The following CDC73 variants were observed in gnomAD, a reference collection of about 807,000 sequenced individuals.
CDC73 encodes the protein parafibromin.
In CDC73, 21 loss-of-function variants were observed where a neutral mutation model predicts 83.7. The ratio of observed to expected loss-of-function variants is 0.25; its 90% confidence interval spans 0.18 to 0.36. The LOEUF is 0.36. CDC73 is among the 10% of genes least tolerant of loss of function. The pLI is 1.00. For missense variants in CDC73, 342 were observed against 653.3 expected (o/e 0.52, Z 5.19); for synonymous variants, 224 against 212.9 (o/e 1.05, Z -0.45).
chr1:193,243,752 C>T (rs968375612), intron 15 of CDC73, among the ~76,000 whole-genome samples: 2 of 151,924 alleles, frequency 1.3e-5, no homozygotes, highest in Non-Finnish European at 2.9e-5. Context: ...CATGTAGCCC[C>T]TTTAATGAAT....
At chr1:193,137,962 A>G (rs1462512026) in intron 5 of CDC73, 123 bp from the exon 6 acceptor site, 25 of 754,412 alleles carry the variant, frequency 3.3e-5, no homozygotes, top group Non-Finnish European at 5.8e-5. Flanking sequence ...AAGTTGGCCT[A>G]AAGACACTGA....
At chr1:193,137,740 G>A (rs903505766) in intron 5 of CDC73, among the ~76,000 whole-genome samples, 1 of 152,266 alleles carries the variant, frequency 6.6e-6, no homozygotes, top group East Asian at 1.9e-4. Flanking sequence ...TCTGGTGAAG[G>A]CTTGTCATAA....
At position 193,252,996 on chromosome 1, in the gene CDC73, T is replaced by C. The variant is rs1442905011; in HGVS notation, c.*2284T>C. ...GTATAAGTAGATATTTTAATGGAAA[T>C]GAAGTATAAATTAATAACTTGACTT... On this transcript the variant is annotated 3_prime_UTR_variant, in exon 17 of 17. Coordinates refer to ENST00000367435, the MANE Select transcript of CDC73 (RefSeq NM_024529.5). The C allele has an allele frequency of 4.3e-6, 1 of 231,826 alleles. No individual in the cohort carries two copies. The highest frequency in any genetic ancestry group is 8.5e-6 in the Non-Finnish European group (1 of 117,236). 14.4% of individuals were successfully genotyped at this position (231,826 alleles called of 1,614,324 possible). A position where few individuals can be genotyped will look rare whatever the true frequency, so the allele number is the denominator to read the frequency against.
chr1:193,230,069 TAC>T (rs1677634372), intron 13 of CDC73, among the ~76,000 whole-genome samples: 1 of 151,978 alleles, frequency 6.6e-6, no homozygotes, highest in Admixed American at 6.6e-5. Context: ...TATTCAAAAA[TAC>T]ACTAAAATGA....
chr1:193,173,709 C>T (rs1676557227), intron 10 of CDC73, among the ~76,000 whole-genome samples: 1 of 152,102 alleles, frequency 6.6e-6, no homozygotes, highest in African/African-American at 2.4e-5. Flanking sequence ...TGTGAATCCT[C>T]TTTCTGAATA....
At chr1:193,122,432 G>A (rs2103111916) in intron 1 of CDC73, 101 bp downstream of exon 1, 3 of 1,450,644 alleles carry the variant, frequency 2.1e-6, no homozygotes, top group Admixed American at 1.7e-5. Context: ...CTGGGGATGG[G>A]ATAAAACGGG....
chr1:193,254,205 G>T lies in CDC73; in HGVS notation c.*3493G>T, dbSNP rs1678094531. Among the ~76,000 whole-genome samples the T allele has an allele frequency of 1.3e-5, 2 of 151,202 alleles. No homozygotes were observed. Among genetic ancestry groups the T allele is most frequent in the Middle Eastern group, 3.4e-3 (1 of 294 alleles). The stretch of plus-strand genomic sequence containing the variant: ...TTTTTAAAAAAAGATTCTTAATAAA[G>T]AAATTATTGGTTTGTCTGGTTAAAG... On this transcript the variant is annotated 3_prime_UTR_variant, in exon 17 of 17. Coordinates refer to ENST00000367435, the MANE Select transcript of CDC73 (RefSeq NM_024529.5).
intron 10 of CDC73, among the ~76,000 whole-genome samples, chr1:193,163,172 T>G (rs763346247): frequency 5.3e-5 from 8 of 151,284 alleles, no homozygotes; most frequent in East Asian, 1.9e-4. Context: ...TGTGTGTGTG[T>G]GTGTGGGTGT....
Position 193,161,410 on chromosome 1 carries a change from T to C in CDC73, c.972+8966T>C, listed in dbSNP as rs545069119. Among the ~76,000 whole-genome samples the C allele has an allele frequency of 4.0e-5, 6 of 150,822 alleles. No homozygotes were observed. The East Asian group carries it at 1.2e-3, about 29-fold the overall frequency. On this transcript the variant is annotated intron_variant, in intron 10 of 16. Transcript: ENST00000367435. ...TTAATTAGAGACAAAAGTCATACCA[T>C]AGAACTCAGATAACTCACTGTTGAA...
intron 13 of CDC73, among the ~76,000 whole-genome samples, chr1:193,213,766 T>C (rs1677315960): frequency 6.6e-6 from 1 of 152,230 alleles, no homozygotes; most frequent in South Asian, 2.1e-4. Context: ...TTTGAAGTGC[T>C]ACTGGCTTGA....
chr1:193,178,934 A>G (rs1233512325), intron 10 of CDC73: 1 of 152,220 alleles, frequency 6.6e-6, no homozygotes, highest in Non-Finnish European at 1.5e-5. Context: ...ACAGATTTAC[A>G]TACTTGTATG....
intron 16 of CDC73, 21 bp from the exon 17 acceptor site, chr1:193,250,655 C>T: frequency 6.4e-7 from 1 of 1,570,564 alleles, no homozygotes; most frequent in Non-Finnish European, 8.8e-7. Flanking sequence ...TCATTATAAC[C>T]TACCATAATA....
At chr1:193,192,756 G>A (rs1479189781) in intron 10 of CDC73, among the ~76,000 whole-genome samples, 4 of 152,208 alleles carry the variant, frequency 2.6e-5, no homozygotes, top group Non-Finnish European at 5.9e-5. Flanking sequence ...AACTGGCCTT[G>A]CCGGCATTTA....
chr1:193,148,028 TAA>T (rs1676040051), intron 8 of CDC73, 63 bp downstream of exon 8: 3 of 1,060,486 alleles, frequency 2.8e-6, no homozygotes, highest in Non-Finnish European at 4.4e-6. Context: ...TGCAGTGTAG[TAA>T]CGTTGAAGAC....
At chr1:193,190,691 C>T (rs996405278) in intron 10 of CDC73, among the ~76,000 whole-genome samples, 2 of 152,192 alleles carry the variant, frequency 1.3e-5, no homozygotes, top group African/African-American at 4.8e-5. Flanking sequence ...ACACCTTTAT[C>T]TGTTTTAATT....
intron 10 of CDC73, chr1:193,180,653 G>C (rs1320126102): frequency 6.2e-7 from 1 of 1,613,988 alleles, no homozygotes; most frequent in Non-Finnish European, 8.5e-7. Flanking sequence ...CGCTCACTTG[G>C]GTAGAGGTCT....
intron 10 of CDC73, among the ~76,000 whole-genome samples, chr1:193,156,158 T>C (rs1676204020): frequency 6.6e-6 from 1 of 152,190 alleles, no homozygotes; most frequent in African/African-American, 2.4e-5. Flanking sequence ...AAGGAACCAA[T>C]TTATGGTTCC....
At chr1:193,229,147 A>C (rs958573596) in intron 13 of CDC73, among the ~76,000 whole-genome samples, 1 of 152,238 alleles carries the variant, frequency 6.6e-6, no homozygotes, top group Non-Finnish European at 1.5e-5. Flanking sequence ...AAATGGTTCA[A>C]CTGCTTTGGA....
At position 193,241,044 on chromosome 1, in the gene CDC73, T is replaced by C. The variant is rs558676168; in HGVS notation, c.1417+4688T>C. Among the ~76,000 whole-genome samples the C allele has an allele frequency of 2.6e-5, 4 of 152,344 alleles. No individual in the cohort carries two copies. The South Asian group carries it at 6.2e-4, about 24-fold the overall frequency. ...ATTGGGATCTGTAGCTGGAGAATTATTCTGTTTTTCTTTTTTTTGGAGGTA... is the reference window on the plus strand; with the variant it reads ...ATTGGGATCTGTAGCTGGAGAATTACTCTGTTTTTCTTTTTTTTGGAGGTA... On this transcript the variant is annotated intron_variant, in intron 15 of 16. Transcript: ENST00000367435.
Sources: gnomAD v4.1 joint callset for allele counts (sites outside exome capture counted in the v4.1 genomes callset) on GRCh38, gnomAD v4.1.1 for gene constraint, MANE v1.5 for transcripts, NCBI Gene and HGNC (gene_info 2026-07-23, HGNC 2026-07-21) for gene names.